PARD3B: variants seen among roughly 807,000 people sequenced by gnomAD.
PARD3B encodes the protein par-3 family cell polarity regulator beta.
A neutral mutation model predicts 130.2 loss-of-function variants in PARD3B; 103 were observed. The ratio of observed to expected loss-of-function variants is 0.79; its 90% CI spans 0.67 to 0.93. The LOEUF is 0.93. Among genes scored for constraint, PARD3B ranks in the 40% least tolerant of loss-of-function variants. The pLI is 0.00. For synonymous variants in PARD3B, 583 were observed against 553.2 expected, an observed-to-expected ratio of 1.05 and a Z score of -0.76; for missense variants, 1,609 against 1,499.2, an observed-to-expected ratio of 1.07 and a Z score of -1.21.
chr2:205,410,444 T>C (rs948258244), intron 19 of PARD3B, among the ~76,000 whole-genome samples: 9 of 152,160 alleles, frequency 5.9e-5, no homozygotes, highest in Non-Finnish European at 1.0e-4. Flanking sequence ...GATAAGCCAC[T>C]TTTGAGGATG....
chr2:205,381,973 A>C (rs1173840451), intron 18 of PARD3B, among the ~76,000 whole-genome samples: 1 of 152,098 alleles, frequency 6.6e-6, no homozygotes, highest in Non-Finnish European at 1.5e-5. Flanking sequence ...AAATTTGCAA[A>C]GAAGTAGCAC....
chr2:205,554,959 T>A (rs983901556), intron 22 of PARD3B, among the ~76,000 whole-genome samples: 2 of 150,938 alleles, frequency 1.3e-5, no homozygotes, highest in African/African-American at 4.9e-5. Flanking sequence ...CTGGAACCAT[T>A]CCCCCAAGGA....
chr2:204,957,177 C>T (rs1287181507), intron 2 of PARD3B, among the ~76,000 whole-genome samples: 1 of 151,984 alleles, frequency 6.6e-6, no homozygotes, highest in Non-Finnish European at 1.5e-5. Flanking sequence ...TAATTCAAGT[C>T]AGAGAAAAAA....
At chr2:205,139,683 G>A (rs1209688524) in intron 10 of PARD3B, among the ~76,000 whole-genome samples, 1 of 152,076 alleles carries the variant, frequency 6.6e-6, no homozygotes, top group Non-Finnish European at 1.5e-5. Flanking sequence ...AGAGATAGAA[G>A]TGTACTAGAT....
intron 18 of PARD3B, among the ~76,000 whole-genome samples, chr2:205,374,879 A>G (rs1171562055): frequency 1.3e-5 from 2 of 152,238 alleles, no homozygotes; most frequent in African/African-American, 4.8e-5. Context: ...AAGGTTAGAC[A>G]TGCCACCATG....
chr2:204,821,794 G>A (rs180785063), intron 2 of PARD3B, among the ~76,000 whole-genome samples: 521 of 152,230 alleles, frequency 3.4e-3, no homozygotes, highest in South Asian at 0.021. Flanking sequence ...CATGTGAGAC[G>A]TGACTAGCTT....
At chr2:204,817,271 T>C (rs1031512493) in intron 2 of PARD3B, among the ~76,000 whole-genome samples, 2 of 152,004 alleles carry the variant, frequency 1.3e-5, no homozygotes, top group Non-Finnish European at 2.9e-5. Context: ...TTTTTTTTGG[T>C]TGCCAGACTA....
chr2:204,594,024 G>C (rs1311411475), intron 1 of PARD3B, among the ~76,000 whole-genome samples: 1 of 152,200 alleles, frequency 6.6e-6, no homozygotes, highest in Non-Finnish European at 1.5e-5. Context: ...ATGCCACACA[G>C]TGGTTCCATC....
rs145989293 is a variant in PARD3B at position 205,170,231 on chromosome 2, G to A, written c.1621-1980G>A. Among the ~76,000 whole-genome samples the A allele has an allele frequency of 1.8e-4, 28 of 152,176 alleles. No individual in the cohort carries two copies. The East Asian group carries it at 4.3e-3, about 23-fold the overall frequency. ...AGGTGTGAGCCACCGTGCCCAGCCC[G>A]TCATATCCCATTTCATGTAGCCTTA... On this transcript the variant is annotated intron_variant, in intron 11 of 22. Coordinates refer to ENST00000406610, the MANE Select transcript of PARD3B (RefSeq NM_001302769.2).
chr2:205,529,467 G>GAGC (rs1559182951), intron 21 of PARD3B, among the ~76,000 whole-genome samples: 1 of 152,098 alleles, frequency 6.6e-6, no homozygotes, highest in East Asian at 1.9e-4. Flanking sequence ...GTGTTCTTCT[G>GAGC]TAGGAATCAC....
intron 18 of PARD3B, among the ~76,000 whole-genome samples, chr2:205,365,050 AT>A (rs1224632230): frequency 2.6e-5 from 4 of 151,930 alleles, no homozygotes; most frequent in Non-Finnish European, 5.9e-5. Context: ...AAATACAAAA[AT>A]TAGCCAGGCA....
intron 1 of PARD3B, among the ~76,000 whole-genome samples, chr2:204,563,180 A>G (rs1366727702): frequency 1.4e-5 from 2 of 145,532 alleles, no homozygotes; most frequent in East Asian, 2.1e-4. Flanking sequence ...GCATAACTCC[A>G]ATCTCTGCCT....
chr2:205,114,524 A>G (rs958284844), intron 6 of PARD3B, among the ~76,000 whole-genome samples: 1 of 152,134 alleles, frequency 6.6e-6, no homozygotes, highest in Non-Finnish European at 1.5e-5. Context: ...AGACAAGTCA[A>G]TTGATTTTCC....
intron 18 of PARD3B, among the ~76,000 whole-genome samples, chr2:205,317,286 TG>T (rs779818110): frequency 6.6e-6 from 1 of 152,194 alleles, no homozygotes; most frequent in Non-Finnish European, 1.5e-5. Flanking sequence ...CTGCAATATG[TG>T]TATAAATTAT....
intron 22 of PARD3B, among the ~76,000 whole-genome samples, chr2:205,577,962 C>G (rs866164487): frequency 3.3e-5 from 5 of 152,188 alleles, no homozygotes; most frequent in African/African-American, 1.2e-4. Context: ...TGATGGAAAG[C>G]AGTTTAGGCT....
intron 3 of PARD3B, among the ~76,000 whole-genome samples, chr2:204,986,444 T>G (rs552961242): frequency 6.6e-6 from 1 of 152,238 alleles, no homozygotes; most frequent in African/African-American, 2.4e-5. Flanking sequence ...ATCAGTACTT[T>G]ACCTAGTTTA....
At chr2:205,182,549 T>C (rs777973520) in intron 13 of PARD3B, among the ~76,000 whole-genome samples, 9 of 152,132 alleles carry the variant, frequency 5.9e-5, no homozygotes, top group Non-Finnish European at 1.2e-4. Flanking sequence ...GAGAAAGTTA[T>C]CTACAGTCTA....
chr2:205,166,635 A>T (rs10198889), intron 11 of PARD3B, among the ~76,000 whole-genome samples: 54,034 of 151,930 alleles, frequency 0.36, 9,869 homozygotes, highest in Middle Eastern at 0.5. Flanking sequence ...TTCTTTTCTT[A>T]GTTTAGGGTT....
intron 21 of PARD3B, among the ~76,000 whole-genome samples, chr2:205,507,256 G>T (rs911654346): frequency 1.9e-4 from 21 of 110,116 alleles, no homozygotes; most frequent in Non-Finnish European, 3.1e-4. Flanking sequence ...GCTCTGTCAC[G>T]CAGGCTGGAG....
Sources: allele counts gnomAD v4.1 joint callset (sites outside exome capture counted in the v4.1 genomes callset), GRCh38; gene constraint gnomAD v4.1.1; transcripts MANE v1.5; gene names NCBI Gene and HGNC (gene_info 2026-07-23, HGNC 2026-07-21).